The following SLC25A26 variants were observed in gnomAD, a reference collection of about 807,000 sequenced individuals.
SLC25A26 encodes the protein mitochondrial S-adenosylmethionine carrier protein.
In SLC25A26, 36 loss-of-function variants were observed where a neutral mutation model predicts 37.8. The ratio of observed to expected loss-of-function variants is 0.95; its 90% CI spans 0.73 to 1.26. SLC25A26 has a LOEUF of 1.26. Among genes scored for constraint, SLC25A26 ranks in the 50% most tolerant of loss-of-function variants. The probability of loss-of-function intolerance (pLI) is 0.00; values close to 1 mark genes in which losing one functional copy is unlikely to be tolerated. For synonymous variants in SLC25A26, 129 were observed against 122.5 expected, an observed-to-expected ratio of 1.05 and a Z score of -0.35; for missense variants, 390 against 331.1, an observed-to-expected ratio of 1.18 and a Z score of -1.38.
intron 5 of SLC25A26, among the ~76,000 whole-genome samples, chr3:66,321,751 C>CTTTTTTTTTTTTTTTTTTTTTT (rs34897144): frequency 7.0e-6 from 1 of 142,746 alleles, no homozygotes; most frequent in Non-Finnish European, 1.5e-5. Context: ...TTTCTGCCTA[C>CTTTTTTTTTTTTTTTTTTTTTT]TTTTTTTTTT....
intron 1 of SLC25A26, among the ~76,000 whole-genome samples, chr3:66,180,416 A>C (rs2070680210): frequency 6.6e-6 from 1 of 152,208 alleles, no homozygotes; most frequent in African/African-American, 2.4e-5. Flanking sequence ...AACGGAAGTG[A>C]TTTCAAAACT....
chr3:66,265,239 C>G (rs138468523), intron 5 of SLC25A26, among the ~76,000 whole-genome samples: 1 of 151,798 alleles, frequency 6.6e-6, no homozygotes, highest in East Asian at 1.9e-4. Flanking sequence ...CCTGGGATGT[C>G]GAGGCTGCAG....
chr3:66,374,557 A>C (rs1700533088), intron 9 of SLC25A26, among the ~76,000 whole-genome samples: 1 of 152,218 alleles, frequency 6.6e-6, no homozygotes, highest in Non-Finnish European at 1.5e-5. Flanking sequence ...TAAGTGTTGA[A>C]GTGAAAGGAA....
intron 1 of SLC25A26, among the ~76,000 whole-genome samples, chr3:66,143,724 A>G (rs542060000): frequency 6.6e-6 from 1 of 152,238 alleles, no homozygotes; most frequent in Non-Finnish European, 1.5e-5. Flanking sequence ...TGTCTACAAA[A>G]AATACAAAAA....
chr3:66,354,221 T>C (rs1305358227), intron 6 of SLC25A26, among the ~76,000 whole-genome samples: 2 of 152,122 alleles, frequency 1.3e-5, no homozygotes, highest in Non-Finnish European at 2.9e-5. Flanking sequence ...GGAGAACTGT[T>C]AAGAATACTG....
At chr3:66,148,435 G>A (rs2070151483) in intron 1 of SLC25A26, among the ~76,000 whole-genome samples, 1 of 152,180 alleles carries the variant, frequency 6.6e-6, no homozygotes, top group Admixed American at 6.5e-5. Context: ...GGGCTGACAG[G>A]ACCATGGCGA....
intron 1 of SLC25A26, among the ~76,000 whole-genome samples, chr3:66,215,952 C>G (rs2071354809): frequency 6.6e-6 from 1 of 152,180 alleles, no homozygotes; most frequent in African/African-American, 2.4e-5. Context: ...GATTCGGTGT[C>G]TGGGGAGGGC....
intron 1 of SLC25A26, among the ~76,000 whole-genome samples, chr3:66,175,282 T>C (rs867846043): frequency 3.3e-5 from 5 of 151,976 alleles, no homozygotes; most frequent in South Asian, 4.2e-4. Context: ...TGAACTGTTG[T>C]GGCATGATCT....
In SLC25A26 at chr3:66,253,779, C is replaced by T. The variant is rs528227792; in HGVS notation, c.301-8272C>T. On this transcript the variant is annotated intron_variant, in intron 3 of 9. Transcript: ENST00000354883. The stretch of plus-strand genomic sequence containing the variant: ...GCAAATACAGTCACCATTGCCACCT[C>T]CTCAACGTTCAGATTTTTGTATTGG... Among the ~76,000 whole-genome samples, 5 of 152,308 alleles carry T rather than the reference C, an allele frequency of 3.3e-5. No homozygotes were observed. The South Asian group carries it at 8.3e-4, about 25-fold the overall frequency.
chr3:66,221,682 A>G (rs1444636284), intron 1 of SLC25A26, among the ~76,000 whole-genome samples: 1 of 151,850 alleles, frequency 6.6e-6, no homozygotes, highest in African/African-American at 2.4e-5. Flanking sequence ...CTGCGGAGTC[A>G]ATAAACAGGC....
chr3:66,262,224 G>C, intron 4 of SLC25A26, 69 bp downstream of exon 4: 1 of 768,264 alleles, frequency 1.3e-6, no homozygotes, highest in Non-Finnish European at 2.0e-6. Context: ...GAACACTGTG[G>C]ATTTCATCCT....
intron 5 of SLC25A26, among the ~76,000 whole-genome samples, chr3:66,341,649 T>A (rs2076212079): frequency 6.6e-6 from 1 of 152,182 alleles, no homozygotes; most frequent in African/African-American, 2.4e-5. Flanking sequence ...TCTGTTAGAT[T>A]CTTTTACTCA....
intron 6 of SLC25A26, 99 bp from the exon 7 acceptor site, chr3:66,362,761 G>A (rs2076739917): frequency 1.5e-6 from 1 of 674,698 alleles, no homozygotes; most frequent in Admixed American, 3.5e-5. Context: ...CACCAAAATA[G>A]CTTCTCACTT....
At chr3:66,251,005 T>G (rs2073062529) in intron 3 of SLC25A26, among the ~76,000 whole-genome samples, 1 of 152,112 alleles carries the variant, frequency 6.6e-6, no homozygotes, top group African/African-American at 2.4e-5. Flanking sequence ...GTCTCAGTTA[T>G]AGTACAATTT....
At chr3:66,223,019 TC>T (rs200615464) in intron 1 of SLC25A26, among the ~76,000 whole-genome samples, 1,807 of 152,354 alleles carry the variant, frequency 0.012, 39 homozygotes, top group African/African-American at 0.041. Context: ...ACACAATTTT[TC>T]TTCCATCTAT....
rs940830121 is a variant in SLC25A26, at chr3:66,290,457, T to A, written c.453+27078T>A. Among the ~76,000 whole-genome samples the A allele has an allele frequency of 2.0e-5, 3 of 152,210 alleles. No individual in the cohort carries two copies. In the South Asian group the frequency reaches 6.2e-4, roughly 32 times the overall value. On this transcript the variant is annotated intron_variant, in intron 5 of 9. Transcript: ENST00000354883. ...TATGATACAGGCTGTGGTTTTGTCA[T>A]AAACAGCTCATAATATTTTGAGATA...
chr3:66,282,887 T>A (rs1443522391), intron 5 of SLC25A26, among the ~76,000 whole-genome samples: 1 of 152,156 alleles, frequency 6.6e-6, no homozygotes, highest in East Asian at 1.9e-4. Context: ...AGCGATCTGT[T>A]CTCCATCACT....
chr3:66,183,127 G>C (rs1449554911), intron 1 of SLC25A26, among the ~76,000 whole-genome samples: 1 of 152,024 alleles, frequency 6.6e-6, no homozygotes, highest in Non-Finnish European at 1.5e-5. Context: ...CCCAGACTCT[G>C]ACCCACACCC....
intron 1 of SLC25A26, 115 bp from the exon 2 acceptor site, chr3:66,236,429 A>G: frequency 4.1e-6 from 3 of 725,448 alleles, no homozygotes; most frequent in Non-Finnish European, 6.0e-6. Context: ...GTGGACTGAA[A>G]GGAATGAGAA....
Sources: gnomAD v4.1 joint callset for allele counts (sites outside exome capture counted in the v4.1 genomes callset) on GRCh38, gnomAD v4.1.1 for gene constraint, MANE v1.5 for transcripts, NCBI Gene and HGNC (gene_info 2026-07-23, HGNC 2026-07-21) for gene names.